The following NRG1 variants were observed in gnomAD, a reference collection of about 807,000 sequenced individuals.
NRG1 encodes neuregulin 1, also known as pro-neuregulin-1, membrane-bound isoform.
A neutral mutation model predicts 63.8 loss-of-function variants in NRG1; 18 were observed. The ratio of observed to expected loss-of-function variants is 0.28; its 90% CI spans 0.19 to 0.42. The LOEUF is 0.42. NRG1 is among the 10% of genes least tolerant of loss of function. NRG1 has a pLI of 1.00. For synonymous variants in NRG1, 302 were observed against 301.3 expected (o/e 1.00, Z -0.02); for missense variants, 762 against 814.7 (o/e 0.94, Z 0.79).
intron 1 of NRG1, among the ~76,000 whole-genome samples, chr8:32,414,225 C>T (rs918036191): frequency 4.6e-5 from 7 of 152,114 alleles, no homozygotes; most frequent in African/African-American, 7.2e-5. Flanking sequence ...CTGGCTCAGT[C>T]CACTGGCTCT....
intron 5 of NRG1, among the ~76,000 whole-genome samples, chr8:32,700,190 A>T (rs1338279948): frequency 6.6e-6 from 1 of 152,190 alleles, no homozygotes; most frequent in Non-Finnish European, 1.5e-5. Context: ...GCAAAAAAAT[A>T]ATGAATATAA....
chr8:32,633,921 C>A (rs761181463), intron 5 of NRG1, among the ~76,000 whole-genome samples: 1 of 151,886 alleles, frequency 6.6e-6, no homozygotes, highest in South Asian at 2.1e-4. Context: ...GCAGGAGGAT[C>A]GCTTGAGGCC....
chr8:32,098,569 A>C (rs1432587132), intron 1 of NRG1: 1 of 152,206 alleles, frequency 6.6e-6, no homozygotes, highest in Admixed American at 6.5e-5. Context: ...AAATTGTCTG[A>C]CATTTTAATA....
intron 5 of NRG1, among the ~76,000 whole-genome samples, chr8:32,652,728 T>C (rs1554619871): frequency 1.3e-5 from 2 of 151,672 alleles, no homozygotes; most frequent in South Asian, 4.2e-4. Context: ...ATCAAATTTT[T>C]ACCTTCTTCT....
chr8:31,770,084 A>G (rs1322116150), intron 1 of NRG1, among the ~76,000 whole-genome samples: 1 of 152,168 alleles, frequency 6.6e-6, no homozygotes, highest in Non-Finnish European at 1.5e-5. Context: ...AGTGGAAAAC[A>G]TGAAATCATC....
At chr8:31,963,210 A>G (rs1171589926) in intron 1 of NRG1, among the ~76,000 whole-genome samples, 1 of 152,228 alleles carries the variant, frequency 6.6e-6, no homozygotes, top group African/African-American at 2.4e-5. Context: ...CAATGAAACA[A>G]TAGGGCTAAT....
chr8:31,872,162 G>C (rs1007885559), intron 1 of NRG1, among the ~76,000 whole-genome samples: 1 of 152,186 alleles, frequency 6.6e-6, no homozygotes, highest in Admixed American at 6.5e-5. Context: ...ATGCCGTGGG[G>C]ATGGCGAATG....
intron 5 of NRG1, among the ~76,000 whole-genome samples, chr8:32,682,900 C>T (rs979933716): frequency 6.6e-6 from 1 of 152,052 alleles, no homozygotes; most frequent in Admixed American, 6.6e-5. Context: ...CCTAGATAAA[C>T]TTTGGAACCA....
At chr8:31,686,732 G>A (rs1037934673) in intron 1 of NRG1, among the ~76,000 whole-genome samples, 2 of 151,814 alleles carry the variant, frequency 1.3e-5, no homozygotes, top group Non-Finnish European at 2.9e-5. Flanking sequence ...TTCCTTTTTA[G>A]GAAAGGTCTT....
chr8:32,293,322 G>C (rs1053732351), intron 1 of NRG1, among the ~76,000 whole-genome samples: 1 of 152,082 alleles, frequency 6.6e-6, no homozygotes, highest in African/African-American at 2.4e-5. Context: ...TAGACACACA[G>C]GGAAGGCAAT....
chr8:32,742,800 G>A lies in NRG1; in HGVS notation c.691+67G>A, dbSNP rs1434446818. 1 of 1,612,930 alleles carries A rather than the reference G, an allele frequency of 6.2e-7. No individual in the cohort carries two copies. The highest frequency in any genetic ancestry group is 1.7e-5 in the Admixed American group (1 of 59,966). On this transcript the variant is annotated intron_variant, in intron 7 of 11. Transcript: ENST00000356819. This position sits in a 1 kb window ranked among gnomAD's most constrained non-coding sequence, Gnocchi z 4.2. Reference sequence around the variant, plus strand: ...GCTCAGTTGGTGCTGCTTTCTTGTTGCTGCATCTCCCCTCAGATTCCACCT... The same window carrying A: ...GCTCAGTTGGTGCTGCTTTCTTGTTACTGCATCTCCCCTCAGATTCCACCT...
intron 1 of NRG1, among the ~76,000 whole-genome samples, chr8:31,791,745 C>A (rs1479231515): frequency 6.6e-6 from 1 of 152,142 alleles, no homozygotes; most frequent in Non-Finnish European, 1.5e-5. Flanking sequence ...CTCATGGCTG[C>A]CCGGGCAGTG....
chr8:31,724,258 A>G (rs1033294659), intron 1 of NRG1, among the ~76,000 whole-genome samples: 1 of 152,148 alleles, frequency 6.6e-6, no homozygotes, highest in African/African-American at 2.4e-5. Flanking sequence ...TGGGGATACT[A>G]TGAACAATGG....
chr8:32,651,222 T>C (rs530262471), intron 5 of NRG1, among the ~76,000 whole-genome samples: 196 of 152,324 alleles, frequency 1.3e-3, no homozygotes, highest in African/African-American at 4.5e-3. Flanking sequence ...TAATATTTCA[T>C]ATTTTCATGA....
intron 1 of NRG1, among the ~76,000 whole-genome samples, chr8:32,188,193 A>C (rs1208185022): frequency 1.3e-5 from 2 of 151,814 alleles, no homozygotes; most frequent in African/African-American, 4.8e-5. Context: ...CAGCCTCCTC[A>C]GCCGCTGGGA....
chr8:32,315,485 G>A (rs1207691886), intron 1 of NRG1, among the ~76,000 whole-genome samples: 2 of 152,148 alleles, frequency 1.3e-5, no homozygotes, highest in South Asian at 4.1e-4. Flanking sequence ...TCATTAATGG[G>A]CATTTGGGTT....
At chr8:32,161,849 C>T (rs1838867353) in intron 1 of NRG1, among the ~76,000 whole-genome samples, 1 of 152,100 alleles carries the variant, frequency 6.6e-6, no homozygotes, top group South Asian at 2.1e-4. Flanking sequence ...GAGAAAAAAG[C>T]ATGTACATAC....
rs1421067671 is a variant in NRG1, at chr8:32,585,767, G to A, written c.101-10061G>A. 5.3e-5 allele frequency among the ~76,000 whole-genome samples: 8 copies of A among 152,190 alleles called. No individual in the cohort carries two copies. The East Asian group carries it at 1.3e-3, about 26-fold the overall frequency. On this transcript the variant is annotated intron_variant, in intron 1 of 11. Coordinates refer to ENST00000356819, the Ensembl canonical transcript of NRG1. ...GCATATCTACTGTATTTCTCAGACT[G>A]TCTTTTGCACGTGGAATAAGTGCAG... is the stretch of plus-strand genomic sequence containing the variant.
intron 1 of NRG1, among the ~76,000 whole-genome samples, chr8:31,675,746 A>T (rs942211932): frequency 7.9e-5 from 12 of 152,182 alleles, no homozygotes; most frequent in African/African-American, 2.7e-4. Flanking sequence ...TGGAAAAAAA[A>T]TGAGTTATAG....
Sources: gnomAD v4.1 joint callset for allele counts (sites outside exome capture counted in the v4.1 genomes callset) on GRCh38, gnomAD v4.1.1 for gene constraint, Gnocchi (gnomAD v3.1) non-coding constraint, MANE v1.5 for transcripts, NCBI Gene and HGNC (gene_info 2026-07-23, HGNC 2026-07-21) for gene names.